The following DCDC1 variants were observed in gnomAD, a reference collection of about 807,000 sequenced individuals.
DCDC1 encodes doublecortin domain containing 1, also known as doublecortin domain-containing protein 1.
In DCDC1, 200 loss-of-function variants were observed where a neutral mutation model predicts 178.3. That is an observed-to-expected ratio of 1.12 (90% confidence interval 1.00 to 1.26). The LOEUF is 1.26. Among genes scored for constraint, DCDC1 ranks in the 50% most tolerant of loss-of-function variants. DCDC1 has a pLI of 0.00. For missense variants in DCDC1, 1,983 were observed against 1,749.2 expected (o/e 1.13, Z -2.38); for synonymous variants, 690 against 604.8 (o/e 1.14, Z -2.07).
At chr11:31,014,263 TTC>T (rs1195169805) in intron 20 of DCDC1, among the ~76,000 whole-genome samples, 3 of 151,788 alleles carry the variant, frequency 2.0e-5, no homozygotes, top group Non-Finnish European at 4.4e-5. Flanking sequence ...CTTTGTTTCT[TTC>T]TCTCTTTTTC....
At chr11:31,214,016 A>G (rs1430795373) in intron 9 of DCDC1, among the ~76,000 whole-genome samples, 1 of 152,164 alleles carries the variant, frequency 6.6e-6, no homozygotes, top group Non-Finnish European at 1.5e-5. Flanking sequence ...CCATTTTATA[A>G]TTTATAAATT....
At chr11:31,078,042 CA>C in intron 17 of DCDC1, 117 bp from the exon 18 acceptor site, 1 of 658,146 alleles carries the variant, frequency 1.5e-6, no homozygotes. Flanking sequence ...CACACTCTAC[CA>C]AAGATTCTGC....
Position 31,289,526 on chromosome 11 carries a change from A to T in DCDC1, c.960+1121T>A, listed in dbSNP as rs570931869. ...AATAAATGAAGAAGTAGATATTTTG[A>T]TTAAAATTCTAGTATCTAGTCAACT... On this transcript the variant is annotated intron_variant, in intron 7 of 38. Coordinates refer to ENST00000684477, the MANE Select transcript of DCDC1 (RefSeq NM_001387274.1). 3.3e-5 allele frequency among the ~76,000 whole-genome samples: 5 copies of T among 152,178 alleles called. No individual in the cohort carries two copies. The East Asian group carries it at 9.6e-4, about 29-fold the overall frequency.
At chr11:31,052,330 A>G (rs1279282377) in intron 20 of DCDC1, among the ~76,000 whole-genome samples, 1 of 152,168 alleles carries the variant, frequency 6.6e-6, no homozygotes, top group Admixed American at 6.5e-5. Flanking sequence ...TGCACCTAAC[A>G]CTGGAGCTCC....
intron 20 of DCDC1, among the ~76,000 whole-genome samples, chr11:31,062,473 G>C (rs776906491): frequency 1.3e-5 from 2 of 152,146 alleles, no homozygotes; most frequent in African/African-American, 2.4e-5. Flanking sequence ...TCCTATTGTA[G>C]ATGGAGCATC....
chr11:31,330,743 T>G (rs1303162832), intron 2 of DCDC1, among the ~76,000 whole-genome samples: 2 of 152,212 alleles, frequency 1.3e-5, no homozygotes, highest in Non-Finnish European at 2.9e-5. Context: ...CTCTGTTCTG[T>G]TCCATTGGTC....
intron 20 of DCDC1, among the ~76,000 whole-genome samples, chr11:31,045,412 C>T (rs747055938): frequency 2.7e-5 from 4 of 149,482 alleles, no homozygotes; most frequent in Non-Finnish European, 4.4e-5. Flanking sequence ...TTTTTTAACT[C>T]GCCTTAGACT....
intron 38 of DCDC1, among the ~76,000 whole-genome samples, chr11:30,873,989 A>G (rs947434946): frequency 6.6e-6 from 1 of 152,198 alleles, no homozygotes; most frequent in African/African-American, 2.4e-5. Flanking sequence ...CTGGGTGGTT[A>G]TATCTGACTC....
intron 9 of DCDC1, among the ~76,000 whole-genome samples, chr11:31,149,464 C>T (rs1056407465): frequency 6.6e-6 from 1 of 151,996 alleles, no homozygotes; most frequent in Non-Finnish European, 1.5e-5. Context: ...TGGGCGGGGC[C>T]AAATAAGAGA....
At chr11:31,040,129 T>TA (rs898197053) in intron 20 of DCDC1, among the ~76,000 whole-genome samples, 2 of 148,752 alleles carry the variant, frequency 1.3e-5, no homozygotes, top group Non-Finnish European at 3.0e-5. Flanking sequence ...TGGTCAAAAC[T>TA]AAAAAAAAAT....
chr11:30,981,772 A>C (rs1385193789), intron 20 of DCDC1, among the ~76,000 whole-genome samples: 1 of 152,188 alleles, frequency 6.6e-6, no homozygotes, highest in South Asian at 2.1e-4. Context: ...TCAGTCATTT[A>C]AAATCTATGC....
chr11:31,104,717 T>C (rs1958739277), intron 13 of DCDC1, among the ~76,000 whole-genome samples: 1 of 152,062 alleles, frequency 6.6e-6, no homozygotes, highest in African/African-American at 2.4e-5. Context: ...TTCAGTTATG[T>C]GACCTGAAGC....
At chr11:31,158,818 T>C (rs1183247403) in intron 9 of DCDC1, among the ~76,000 whole-genome samples, 2 of 152,210 alleles carry the variant, frequency 1.3e-5, no homozygotes, top group Non-Finnish European at 2.9e-5. Context: ...GTTTGACTTG[T>C]AGTGAGTGTT....
chr11:30,946,885 C>T (rs2134438394), intron 21 of DCDC1, among the ~76,000 whole-genome samples: 1 of 152,268 alleles, frequency 6.6e-6, no homozygotes, highest in South Asian at 2.1e-4. Flanking sequence ...AGAGGAAGGG[C>T]TCAGGACACA....
chr11:31,281,807 T>C (rs570828973), intron 7 of DCDC1, among the ~76,000 whole-genome samples: 1 of 152,276 alleles, frequency 6.6e-6, no homozygotes, highest in East Asian at 1.9e-4. Flanking sequence ...GACGTGCTGT[T>C]TGCCTTCCAC....
At chr11:30,903,749 G>T in intron 31 of DCDC1, 66 bp from the exon 32 acceptor site, 1 of 1,279,618 alleles carries the variant, frequency 7.8e-7, no homozygotes, top group South Asian at 2.3e-5. Context: ...ATCATTAAGA[G>T]CTTGTCATTC....
At chr11:31,055,893 G>T (rs1460631777) in intron 20 of DCDC1, among the ~76,000 whole-genome samples, 2 of 152,054 alleles carry the variant, frequency 1.3e-5, no homozygotes, top group Non-Finnish European at 2.9e-5. Flanking sequence ...TACAAATATG[G>T]TGCAGTGTAC....
chr11:31,232,717 G>A (rs1279614256), intron 9 of DCDC1, among the ~76,000 whole-genome samples: 1 of 152,080 alleles, frequency 6.6e-6, no homozygotes, highest in Non-Finnish European at 1.5e-5. Context: ...ACTGCCATTG[G>A]TGTTAATTAC....
intron 20 of DCDC1, among the ~76,000 whole-genome samples, chr11:30,965,100 T>A (rs2134617826): frequency 6.6e-6 from 1 of 152,298 alleles, no homozygotes; most frequent in African/African-American, 2.4e-5. Context: ...AAAGCAAACC[T>A]GCTGCCATTC....
Sources: gnomAD v4.1 joint callset for allele counts (sites outside exome capture counted in the v4.1 genomes callset) on GRCh38, gnomAD v4.1.1 for gene constraint, MANE v1.5 for transcripts, NCBI Gene and HGNC (gene_info 2026-07-23, HGNC 2026-07-21) for gene names.